Variants in CACNA1F observed in about 807,000 individuals in gnomAD.
CACNA1F encodes the protein calcium voltage-gated channel subunit alpha1 F.
Under a neutral mutation model 143.8 loss-of-function variants are expected in CACNA1F, and 59 were observed. The ratio of observed to expected loss-of-function variants is 0.41; its 90% CI spans 0.33 to 0.51. The LOEUF (loss-of-function observed/expected upper bound fraction) is 0.51. Among genes scored for constraint, CACNA1F ranks in the 20% least tolerant of loss-of-function variants. CACNA1F has a pLI of 0.22. For synonymous variants in CACNA1F, 643 were observed against 649.1 expected, an observed-to-expected ratio of 0.99 and a Z score of 0.14; for missense variants, 1,411 against 1,647.5, an observed-to-expected ratio of 0.86 and a Z score of 2.48.
At chrX:49,221,289 T>G (rs782562148) in intron 17 of CACNA1F, among the ~76,000 whole-genome samples, 9 of 111,921 alleles carry the variant, frequency 8.0e-5, no homozygotes, top group African/African-American at 2.9e-4. Context: ...CCACGTCTCC[T>G]TAATTCAGGA....
intron 14 of CACNA1F, among the ~76,000 whole-genome samples, chrX:49,223,734 C>T (rs868969947): frequency 2.8e-5 from 2 of 70,774 alleles, no homozygotes; most frequent in Non-Finnish European, 2.7e-5. Flanking sequence ...TTTTTCTTAT[C>T]TTTTTTTTTT....
chrX:49,224,621 T>C (rs1339237095), intron 14 of CACNA1F, 140 bp downstream of exon 14: 5 of 515,802 alleles, frequency 9.7e-6, no homozygotes, highest in Middle Eastern at 5.1e-4. Flanking sequence ...TAGGGCTTGG[T>C]AGGGTGCCTG....
At position 49,205,075 on chromosome X, in the gene CACNA1F, C is replaced by T. The variant is rs999072847; in HGVS notation, c.*62G>A. ...CAAAATCCAGGGATGTGGTCCATGC[C>T]TGCCTCCTGCTGGGGAGGGGAGGGC... On this transcript the variant is annotated 3_prime_UTR_variant, in exon 48 of 48. Coordinates refer to ENST00000323022, the MANE Select transcript of CACNA1F (RefSeq NM_001256789.3). 1.1e-6 allele frequency: 1 copy of T among 881,737 alleles called. No homozygotes were observed. Among genetic ancestry groups the T allele is most frequent in the Non-Finnish European group, 1.6e-6 (1 of 606,474 alleles). The allele number at this position is 881,737 out of a possible 1,213,427, so 72.7% of individuals were successfully genotyped here.
intron 17 of CACNA1F, 135 bp from the exon 18 acceptor site, chrX:49,221,215 C>T: frequency 1.8e-6 from 1 of 542,607 alleles, no homozygotes; most frequent in Admixed American, 2.7e-5. Flanking sequence ...AGTCCGTTCT[C>T]AAAGCAGCCA....
chrX:49,213,870 G>A lies in CACNA1F; in HGVS notation c.3741C>T (p.Asp1247=), dbSNP rs199504022. ...CTATGCTGCCCACCACAATAAGAGC[G>A]TCAAACGTGTTCCAGGCATCAGTGA... ...HYFTDAWNTF[D]ALIVVGSIVD... The change falls in exon 31 of 48, where the codon GAC becomes GAT. Residue 1247 remains aspartate (D), a synonymous_variant. Transcript: ENST00000323022. The A allele has an allele frequency of 2.1e-4, 251 of 1,201,798 alleles. 1 individual carries two copies. Among genetic ancestry groups the A allele is most frequent in the South Asian group, 1.6e-4 (9 of 56,477 alleles).
At position 49,212,294 on chromosome X, in the gene CACNA1F, C is replaced by T; in HGVS notation, c.3957G>A (p.Val1319=). 3 of 1,204,831 alleles carry T rather than the reference C, an allele frequency of 2.5e-6. No individual in the cohort carries two copies. Among genetic ancestry groups the T allele is most frequent in the South Asian group, 3.5e-5 (2 of 56,662 alleles). ...AGAATATCATTGCGATGAGAAGAGCCACATAGGGCAAGGCCTATAGGGATG... is the reference window on the plus strand; with the variant it reads ...AGAATATCATTGCGATGAGAAGAGCTACATAGGGCAAGGCCTATAGGGATG... ...FIKSFQALPY[V]ALLIAMIFFI... Residue 1319 remains valine, a synonymous_variant, in exon 34 of 48, where the codon GTG becomes GTA. Coordinates refer to ENST00000323022, the MANE Select transcript of CACNA1F (RefSeq NM_001256789.3).
At chrX:49,225,509 GAC>G (rs2065814868) in intron 13 of CACNA1F, among the ~76,000 whole-genome samples, 1 of 111,066 alleles carries the variant, frequency 9.0e-6, no homozygotes, top group African/African-American at 3.3e-5. Flanking sequence ...AACTTTTCCA[GAC>G]AGTGTGATGA....
intron 24 of CACNA1F, 41 bp downstream of exon 24, chrX:49,218,414 G>A (rs1557107920): frequency 9.4e-7 from 1 of 1,063,716 alleles, no homozygotes; most frequent in Non-Finnish European, 1.3e-6. Flanking sequence ...CAGGGGCAGG[G>A]CAGGGCCTGG....
Position 49,207,079 on chromosome X carries a change from T to C in CACNA1F, c.5157A>G (p.Pro1719=). The change falls in exon 44 of 48, where the codon CCA becomes CCG. Residue 1719 remains proline, a synonymous_variant. Transcript: ENST00000323022. ...CCTTGGGCTGAGAATTTCCTTCTTCTGGGATGGTGAAAATGAGAGCCCCAG... is the reference window on the plus strand; with the variant it reads ...CCTTGGGCTGAGAATTTCCTTCTTCCGGGATGGTGAAAATGAGAGCCCCAG... The part of the protein sequence containing the change: ...RGSGALIFTI[P]EEGNSQPKGT... The C allele has an allele frequency of 8.3e-7, 1 of 1,199,168 alleles. No homozygotes were observed. The highest frequency in any genetic ancestry group is 1.1e-6 in the Non-Finnish European group (1 of 887,847).
At position 49,230,216 on chromosome X, in the gene CACNA1F, T is replaced by A. The variant is rs2065863386; in HGVS notation, c.817+4A>T. Reference sequence around the variant, plus strand: ...TTCTGCCTAGGAGGGGCGGGCAGACTAACCGGATCCCAGGAAGTAGCACGT... The same window carrying A: ...TTCTGCCTAGGAGGGGCGGGCAGACAAACCGGATCCCAGGAAGTAGCACGT... On this transcript the variant is annotated splice_donor_region_variant and intron_variant, in intron 6 of 47. Transcript: ENST00000323022. The A allele has an allele frequency of 1.7e-6, 2 of 1,197,800 alleles. No homozygotes were observed. The highest frequency in any genetic ancestry group is 1.8e-5 in the African/African-American group (1 of 56,867).
At chrX:49,231,181 C>G in intron 3 of CACNA1F, 21 bp downstream of exon 3, 1 of 1,062,245 alleles carries the variant, frequency 9.4e-7, no homozygotes, top group Non-Finnish European at 1.3e-6. Context: ...TGGGAACTGG[C>G]TGGGGCGGGG....
At position 49,211,096 on chromosome X, in the gene CACNA1F, T is replaced by C. The variant is rs1557106137; in HGVS notation, c.4261-4A>G. ...CAGCCACAAAGAGATTTATGATCTG[T>C]GGGCCAGTGAGCAAGGGAGCAGTTA... is the stretch of plus-strand genomic sequence containing the variant. On this transcript the variant is annotated splice_region_variant and splice_polypyrimidine_tract_variant and intron_variant, in intron 36 of 47. Coordinates refer to ENST00000323022, the MANE Select transcript of CACNA1F (RefSeq NM_001256789.3). 1 of 1,209,837 alleles carries C rather than the reference T, an allele frequency of 8.3e-7. No homozygotes were observed. The highest frequency in any genetic ancestry group is 1.1e-6 in the Non-Finnish European group (1 of 894,103).
chrX:49,210,645 C>T lies in CACNA1F; in HGVS notation c.4430G>A (p.Arg1477His), dbSNP rs782632283. The stretch of plus-strand genomic sequence containing the variant: ...CCCAAATCCCAGAGGGGGCTGGATA[C>T]GTCTCAGCAGGGCAACCACATCCAA... ...KHLDVVALLRRIQPPLGFGKL... is the reference protein window; with the variant it reads ...KHLDVVALLRHIQPPLGFGKL... The change falls in exon 38 of 48, where the codon CGT (arginine) becomes CAT (histidine). Residue 1477 changes from arginine to histidine, a missense_variant. Arg to His is a conservative substitution (Grantham distance 29). Coordinates refer to ENST00000323022, the MANE Select transcript of CACNA1F (RefSeq NM_001256789.3). 5 of 1,210,881 alleles carry T rather than the reference C, an allele frequency of 4.1e-6. No individual in the cohort carries two copies. The highest frequency in any genetic ancestry group is 2.3e-4 in the Middle Eastern group (1 of 4,337).
intron 9 of CACNA1F, 121 bp downstream of exon 9, chrX:49,226,849 A>G: frequency 9.6e-7 from 1 of 1,044,736 alleles, no homozygotes; most frequent in Non-Finnish European, 1.3e-6. Context: ...CTGGGGCTAG[A>G]GTTGTTGCAG....
In CACNA1F at chrX:49,210,668, C is replaced by T. The variant is rs1053797987; in HGVS notation, c.4407G>A (p.Leu1469=). 7.4e-6 allele frequency: 9 copies of T among 1,209,598 alleles called. No individual in the cohort carries two copies. The highest frequency in any genetic ancestry group is 2.2e-5 in the Admixed American group (1 of 46,005). The change falls in exon 38 of 48, where the codon TTG becomes TTA. Residue 1469 remains leucine, a synonymous_variant. Coordinates refer to ENST00000323022, the MANE Select transcript of CACNA1F (RefSeq NM_001256789.3). ...DPGAKGRIKH[L]DVVALLRRIQ... ...TACGTCTCAGCAGGGCAACCACATC[C>T]AAGTGTTTGATGCGGCCCCTGGAGG... is the stretch of plus-strand genomic sequence containing the variant.
At chrX:49,207,996 C>A (rs2065615242) in intron 43 of CACNA1F, among the ~76,000 whole-genome samples, 1 of 103,255 alleles carries the variant, frequency 9.7e-6, no homozygotes, top group Non-Finnish European at 2.0e-5. Flanking sequence ...GAGTTCGAAA[C>A]CAGCCTGGCC....
Position 49,212,252 on chromosome X carries a change from A to G in CACNA1F, c.3999T>C (p.Ile1333=), listed in dbSNP as rs368555092. The G allele has an allele frequency of 1.5e-5, 18 of 1,205,199 alleles. No homozygotes were observed. Among genetic ancestry groups the G allele is most frequent in the Non-Finnish European group, 1.9e-5 (17 of 890,878 alleles). Residue 1333 remains isoleucine (I), a synonymous_variant, in exon 34 of 48, where the codon ATT becomes ATC. Transcript: ENST00000323022. The part of the protein sequence containing the change: ...IAMIFFIYAV[I]GMQMFGKVAL... ...TAGGGTCCCCACTTGCCTGCATGCC[A>G]ATGACGGCATAGATGAAGAATATCA...
rs376293118 is a variant in CACNA1F, at chrX:49,226,280, A to G, written c.1464-37T>C. The G allele has an allele frequency of 1.0e-4, 119 of 1,160,083 alleles. No individual in the cohort carries two copies. The African/African-American group carries it at 1.8e-3, about 18-fold the overall frequency. ...GGGGGATGGGAGGTGTGTGTCGTAAAGGGCAGAAGGGGTGTCAGTGACTGG... is the reference window on the plus strand; with the variant it reads ...GGGGGATGGGAGGTGTGTGTCGTAAGGGGCAGAAGGGGTGTCAGTGACTGG... On this transcript the variant is annotated intron_variant, in intron 11 of 47. Transcript: ENST00000323022.
Position 49,218,879 on chromosome X carries a change from C to T in CACNA1F, c.2733+3G>A, listed in dbSNP as rs781949304. 1.0e-5 allele frequency: 12 copies of T among 1,196,675 alleles called. No homozygotes were observed. The Admixed American group carries it at 1.8e-4, about 18-fold the overall frequency. On this transcript the variant is annotated splice_donor_region_variant and intron_variant, in intron 22 of 47. Coordinates refer to ENST00000323022, the MANE Select transcript of CACNA1F (RefSeq NM_001256789.3). Reference sequence around the variant, plus strand: ...AGGGTAGGACTGGGGTCCCATTAGTCACCTTTAGTAGAATCTCCACAGTGA... The same window carrying T: ...AGGGTAGGACTGGGGTCCCATTAGTTACCTTTAGTAGAATCTCCACAGTGA...
Sources: gnomAD v4.1 joint callset for allele counts (sites outside exome capture counted in the v4.1 genomes callset) on GRCh38, gnomAD v4.1.1 for gene constraint, MANE v1.5 for transcripts, NCBI Gene and HGNC (gene_info 2026-07-23, HGNC 2026-07-21) for gene names.